OR2C1: variants seen among roughly 807,000 people sequenced by gnomAD.
OR2C1 encodes the protein olfactory receptor 2C1.
For missense variants in OR2C1, 468 were observed against 388.3 expected, an observed-to-expected ratio of 1.21 and a Z score of -1.73; for synonymous variants, 209 against 167.3, an observed-to-expected ratio of 1.25 and a Z score of -1.92.
the OR2C1 span, among the ~76,000 whole-genome samples, chr16:3,325,488 T>A: frequency 8.6e-4 from 71 of 82,278 alleles, 1 homozygote; most frequent in African/African-American, 2.9e-3. Flanking sequence ...TATATATATA[T>A]ATATATATAT....
chr16:3,324,598 G>T, the OR2C1 span, among the ~76,000 whole-genome samples: 1 of 152,094 alleles, frequency 6.6e-6, no homozygotes, highest in African/African-American at 2.4e-5. Flanking sequence ...TGTTGTAATG[G>T]ATTTCTCTCT....
chr16:3,327,280 G>C, the OR2C1 span, among the ~76,000 whole-genome samples: 1 of 151,862 alleles, frequency 6.6e-6, no homozygotes, highest in Non-Finnish European at 1.5e-5. Flanking sequence ...GTTTACTTTG[G>C]AGTATTTTAA....
Position 3,357,016 on chromosome 16 carries a change from C to A in OR2C1, c.*137C>A. 1.4e-6 allele frequency: 1 copy of A among 737,884 alleles called. No homozygotes were observed. The allele number at this position is 737,884 out of a possible 1,614,324, so 45.7% of individuals were successfully genotyped here. A position where few individuals can be genotyped will look rare whatever the true frequency, so the allele number is the denominator to read the frequency against. On this transcript the variant is annotated 3_prime_UTR_variant, in exon 1 of 1. Transcript: ENST00000304936. ...TTCCTGACAGCCCTAAGCTGACAGC[C>A]CTAAGCTGTTGGGAACATGGTTAGT...
At chr16:3,346,136 AT>A in the OR2C1 span, among the ~76,000 whole-genome samples, 1 of 151,788 alleles carries the variant, frequency 6.6e-6, no homozygotes, top group Non-Finnish European at 1.5e-5. Context: ...GCTCAGCCTG[AT>A]TTTTCTTCAT....
At chr16:3,350,262 C>T in the OR2C1 span, among the ~76,000 whole-genome samples, 2 of 150,682 alleles carry the variant, frequency 1.3e-5, no homozygotes, top group Non-Finnish European at 3.0e-5. Context: ...CCCATGTTGG[C>T]CAGTCTGGTC....
the OR2C1 span, chr16:3,323,610 C>G: frequency 2.7e-6 from 2 of 739,434 alleles, 1 homozygote; most frequent in South Asian, 2.8e-5. Context: ...CTTGCAATGG[C>G]TGTCTGCACC....
At chr16:3,350,902 G>A (rs2030562553), upstream of OR2C1, among the ~76,000 whole-genome samples, 2 of 151,320 alleles carry the variant, frequency 1.3e-5, no homozygotes, top group South Asian at 2.1e-4. Flanking sequence ...TAGGCTGGGT[G>A]CAGTGGCTCA....
chr16:3,356,059 T>A lies in OR2C1; in HGVS notation c.119T>A (p.Leu40His). 1 of 1,614,160 alleles carries A rather than the reference T, an allele frequency of 6.2e-7. No homozygotes were observed. Among genetic ancestry groups the A allele is most frequent in the African/African-American group, 1.3e-5 (1 of 75,050 alleles). The change falls in exon 1 of 1, where the codon CTT becomes CAT. Residue 40 changes from leucine (L) to histidine (H), a missense_variant. Leu to His is a moderately conservative substitution (Grantham distance 99). Transcript: ENST00000304936. ...AILFSYLLTL[L>H]GNSTIILLSR... ...CTCTTCTCCTATTTGCTGACCCTAC[T>A]TGGGAACTCAACCATCATCTTGCTT...
At chr16:3,331,252 A>T in the OR2C1 span, among the ~76,000 whole-genome samples, 1 of 151,740 alleles carries the variant, frequency 6.6e-6, no homozygotes, top group Admixed American at 6.6e-5. Flanking sequence ...TTTTCTTGTA[A>T]ATTTGTTTGG....
chr16:3,327,113 A>G, the OR2C1 span, among the ~76,000 whole-genome samples: 2 of 152,274 alleles, frequency 1.3e-5, no homozygotes, highest in East Asian at 1.9e-4. Context: ...GTACCCACTT[A>G]GAGGTTTTTC....
chr16:3,323,776 C>G, the OR2C1 span: 3 of 729,510 alleles, frequency 4.1e-6, no homozygotes, highest in African/African-American at 5.3e-5. Context: ...ATTCCAGTCC[C>G]TTAAACCTGA....
chr16:3,341,904 G>T, the OR2C1 span, among the ~76,000 whole-genome samples: 1 of 152,096 alleles, frequency 6.6e-6, no homozygotes, highest in Admixed American at 6.6e-5. Flanking sequence ...AGCATGTCTT[G>T]GTCTTTCTTT....
At chr16:3,340,467 T>A in the OR2C1 span, among the ~76,000 whole-genome samples, 4 of 152,212 alleles carry the variant, frequency 2.6e-5, no homozygotes, top group Non-Finnish European at 4.4e-5. Flanking sequence ...TTAATTTTAA[T>A]GAGGTCCAAT....
At chr16:3,335,520 C>CTTTTTTTTTT in the OR2C1 span, among the ~76,000 whole-genome samples, 2 of 55,440 alleles carry the variant, frequency 3.6e-5, no homozygotes, top group African/African-American at 7.5e-5. Flanking sequence ...AATGCTACTG[C>CTTTTTTTTTT]TTTTTTTTTT....
the OR2C1 span, among the ~76,000 whole-genome samples, chr16:3,333,203 T>A: frequency 6.9e-6 from 1 of 144,792 alleles, no homozygotes; most frequent in Non-Finnish European, 1.5e-5. Flanking sequence ...TATTCGGATC[T>A]TTTGCCCATT....
upstream of OR2C1, among the ~76,000 whole-genome samples, chr16:3,352,156 G>A (rs748539869): frequency 2.8e-4 from 43 of 151,652 alleles, no homozygotes; most frequent in African/African-American, 9.7e-5. Flanking sequence ...TCCCTCTGTC[G>A]CCCAGGCTGG....
At chr16:3,337,796 G>T in the OR2C1 span, among the ~76,000 whole-genome samples, 1 of 149,842 alleles carries the variant, frequency 6.7e-6, no homozygotes, top group African/African-American at 2.4e-5. Context: ...CCTGTTTGCT[G>T]TTGATTCTTG....
At chr16:3,323,978 G>T in the OR2C1 span, 1 of 536,808 alleles carries the variant, frequency 1.9e-6, no homozygotes, top group Non-Finnish European at 3.3e-6. Context: ...AAAACCAATA[G>T]GTATACTTCC....
the OR2C1 span, among the ~76,000 whole-genome samples, chr16:3,345,664 A>T: frequency 6.6e-6 from 1 of 152,088 alleles, no homozygotes; most frequent in African/African-American, 2.4e-5. Context: ...GTAGGTGCCT[A>T]TGAGGGAGTA....
Sources: gnomAD v4.1 joint callset for allele counts (sites outside exome capture counted in the v4.1 genomes callset) on GRCh38, gnomAD v4.1.1 for gene constraint, MANE v1.5 for transcripts, NCBI Gene and HGNC (gene_info 2026-07-23, HGNC 2026-07-21) for gene names.